Variants in TNR observed in about 807,000 individuals in gnomAD.
TNR encodes the protein tenascin R.
A neutral mutation model predicts 150.4 loss-of-function variants in TNR; 45 were observed. The ratio of observed to expected loss-of-function variants is 0.30; its 90% CI spans 0.24 to 0.38. TNR has a LOEUF of 0.38. TNR is among the 10% of genes least tolerant of loss of function. The pLI, the probability that TNR is intolerant of heterozygous loss-of-function variation, is 1.00. For synonymous variants in TNR, 687 were observed against 678.4 expected, an observed-to-expected ratio of 1.01 and a Z score of -0.20; for missense variants, 1,544 against 1,759.1, an observed-to-expected ratio of 0.88 and a Z score of 2.19.
intron 1 of TNR, among the ~76,000 whole-genome samples, chr1:175,533,813 C>T (rs559111676): frequency 3.3e-5 from 5 of 152,228 alleles, no homozygotes; most frequent in Non-Finnish European, 7.4e-5. Context: ...TGAGTGGTGC[C>T]TTGCATGCAG....
intron 1 of TNR, among the ~76,000 whole-genome samples, chr1:175,714,505 C>G (rs896262005): frequency 3.3e-5 from 5 of 152,176 alleles, no homozygotes; most frequent in Admixed American, 1.3e-4. Flanking sequence ...ACTGGCCAAT[C>G]AATTCTCAAA....
Position 175,381,815 on chromosome 1 carries a change from C to T in TNR, c.1778-2078G>A, listed in dbSNP as rs75523169. ...CCTTTTACAAACTCCTAATTGTAGC[C>T]AGCAGGGCTCTGAGTGATCCGGCCC... On this transcript the variant is annotated intron_variant, in intron 8 of 22. Coordinates refer to ENST00000367674, the MANE Select transcript of TNR (RefSeq NM_003285.3). 4.3e-3 allele frequency among the ~76,000 whole-genome samples: 655 copies of T among 152,362 alleles called. 4 individuals are homozygous for T. The highest frequency in any genetic ancestry group is 0.015 in the African/African-American group (634 of 41,574).
rs77210785 is a variant in TNR, at chr1:175,499,739, G to A, written c.-64+28530C>T. On this transcript the variant is annotated intron_variant, in intron 2 of 22. Coordinates refer to ENST00000367674, the MANE Select transcript of TNR (RefSeq NM_003285.3). ...TCAGTGTCCTGGCTCATGTGCCCTC[G>A]AAGTCCTTCTGGAGTGGGTTAGAGT... Among the ~76,000 whole-genome samples, 1,085 of 152,212 alleles carry A rather than the reference G, an allele frequency of 7.1e-3. 9 individuals carry two copies. The highest frequency in any genetic ancestry group is 0.024 in the African/African-American group (1,010 of 41,512).
chr1:175,579,754 A>G (rs1662275093), intron 1 of TNR, among the ~76,000 whole-genome samples: 1 of 151,808 alleles, frequency 6.6e-6, no homozygotes. Context: ...TTGGAAATAG[A>G]GGGGAGAGGG....
intron 1 of TNR, among the ~76,000 whole-genome samples, chr1:175,586,446 A>G (rs527238217): frequency 6.6e-6 from 1 of 152,216 alleles, no homozygotes; most frequent in Non-Finnish European, 1.5e-5. Context: ...GATTACAGGC[A>G]TCCGCCACCA....
chr1:175,408,649 C>T (rs1654067891), intron 2 of TNR, among the ~76,000 whole-genome samples: 1 of 152,180 alleles, frequency 6.6e-6, no homozygotes, highest in South Asian at 2.1e-4. Flanking sequence ...CTTAAGCTCT[C>T]TGTGCCTCAG....
intron 2 of TNR, among the ~76,000 whole-genome samples, chr1:175,470,060 T>C (rs1404765905): frequency 6.6e-6 from 1 of 151,976 alleles, no homozygotes; most frequent in African/African-American, 2.4e-5. Flanking sequence ...TAATCCACTG[T>C]GAAAAGAAAC....
At position 175,322,852 on chromosome 1, in the gene TNR, G is replaced by A. The variant is rs979676555; in HGVS notation, c.*505C>T. ...AGGAAGGAAGGAAGGAAAAGAACCTGGGTTGTTGGGATGCGGTGTAGTTGA... is the reference window on the plus strand; with the variant it reads ...AGGAAGGAAGGAAGGAAAAGAACCTAGGTTGTTGGGATGCGGTGTAGTTGA... On this transcript the variant is annotated 3_prime_UTR_variant, in exon 23 of 23. Coordinates refer to ENST00000367674, the MANE Select transcript of TNR (RefSeq NM_003285.3). 2 of 152,306 alleles carry A rather than the reference G, an allele frequency of 1.3e-5. No homozygotes were observed. Among genetic ancestry groups the A allele is most frequent in the African/African-American group, 2.4e-5 (1 of 41,378 alleles). 9.4% of individuals were successfully genotyped at this position (152,306 alleles called of 1,614,324 possible). A position where few individuals can be genotyped will look rare whatever the true frequency, so the allele number is the denominator to read the frequency against.
At chr1:175,600,717 G>A (rs892947098) in intron 1 of TNR, among the ~76,000 whole-genome samples, 7 of 152,236 alleles carry the variant, frequency 4.6e-5, no homozygotes, top group Admixed American at 3.3e-4. Context: ...CTGCCTGGAG[G>A]AAGGAGCTCA....
intron 1 of TNR, among the ~76,000 whole-genome samples, chr1:175,647,800 C>T (rs941142301): frequency 6.6e-5 from 10 of 152,188 alleles, no homozygotes; most frequent in African/African-American, 2.2e-4. Flanking sequence ...CCCAAAATAA[C>T]CCCAAAAGGA....
At chr1:175,505,657 G>C (rs1237304972) in intron 2 of TNR, among the ~76,000 whole-genome samples, 1 of 152,256 alleles carries the variant, frequency 6.6e-6, no homozygotes, top group Non-Finnish European at 1.5e-5. Context: ...TGTGAATTTA[G>C]ACAAATTACT....
chr1:175,637,777 G>A (rs910761226), intron 1 of TNR, among the ~76,000 whole-genome samples: 1 of 152,140 alleles, frequency 6.6e-6, no homozygotes, highest in Non-Finnish European at 1.5e-5. Flanking sequence ...TGTCCTCTAG[G>A]CTCCTTTTCA....
At chr1:175,593,357 A>C (rs1662877673) in intron 1 of TNR, among the ~76,000 whole-genome samples, 1 of 152,200 alleles carries the variant, frequency 6.6e-6, no homozygotes, top group African/African-American at 2.4e-5. Flanking sequence ...GAGCCAGTTA[A>C]TGGAGAAATA....
chr1:175,388,370 G>C (rs952358128), intron 7 of TNR, among the ~76,000 whole-genome samples: 5 of 152,190 alleles, frequency 3.3e-5, no homozygotes, highest in Non-Finnish European at 5.9e-5. Context: ...ATATTAAAAT[G>C]TGATTATGTA....
At chr1:175,741,011 T>G (rs1489673370) in intron 1 of TNR, among the ~76,000 whole-genome samples, 1 of 152,160 alleles carries the variant, frequency 6.6e-6, no homozygotes, top group African/African-American at 2.4e-5. Flanking sequence ...AGAGAGCTCT[T>G]TACCTGGCTC....
rs542845516 is a variant in TNR at position 175,354,479 on chromosome 1, G to C, written c.3294C>G (p.Gly1098=). ...DAEDTWIRLE[G]LLENTDYTVL... ...CCGTGTAGTCTGTGTTCTCCAACAG[G>C]CCCTCCAGTCGAATCCAGGTGTCTT... is the stretch of plus-strand genomic sequence containing the variant. Residue 1098 remains glycine (G), a synonymous_variant, in exon 18 of 23, where the codon GGC becomes GGG. Transcript: ENST00000367674. 1 of 1,614,068 alleles carries C rather than the reference G, an allele frequency of 6.2e-7. No homozygotes were observed. Among genetic ancestry groups the C allele is most frequent in the Non-Finnish European group, 8.5e-7 (1 of 1,180,002 alleles).
intron 2 of TNR, among the ~76,000 whole-genome samples, chr1:175,450,903 G>A (rs1375953714): frequency 1.3e-5 from 2 of 152,134 alleles, no homozygotes; most frequent in Non-Finnish European, 2.9e-5. Flanking sequence ...TCATTTTAGG[G>A]GAAGGGGAGT....
intron 1 of TNR, among the ~76,000 whole-genome samples, chr1:175,656,917 G>A (rs1665195827): frequency 6.6e-6 from 1 of 152,196 alleles, no homozygotes; most frequent in Admixed American, 6.5e-5. Flanking sequence ...GTGCAGTTGT[G>A]TGTTTATTGT....
At position 175,345,329 on chromosome 1, in the gene TNR, C is replaced by G. The variant is rs149301769; in HGVS notation, c.3383-7650G>C. Among the ~76,000 whole-genome samples the G allele has an allele frequency of 5.3e-5, 8 of 152,224 alleles. No individual in the cohort carries two copies. In the East Asian group the frequency reaches 1.5e-3, roughly 29 times the overall value. ...AGGAGCCGATAACCCCAAAGGGACA[C>G]GAGCTCACAGGCCAGAATATCCATT... is the stretch of plus-strand genomic sequence containing the variant. On this transcript the variant is annotated intron_variant, in intron 18 of 22. Coordinates refer to ENST00000367674, the MANE Select transcript of TNR (RefSeq NM_003285.3).
Sources: gnomAD v4.1 joint callset for allele counts (sites outside exome capture counted in the v4.1 genomes callset) on GRCh38, gnomAD v4.1.1 for gene constraint, MANE v1.5 for transcripts, NCBI Gene and HGNC (gene_info 2026-07-23, HGNC 2026-07-21) for gene names.